Variants in USP34 observed in about 807,000 individuals in gnomAD.
USP34 encodes ubiquitin carboxyl-terminal hydrolase 34.
Under a neutral mutation model 460.3 loss-of-function variants are expected in USP34, and 70 were observed. The observed-to-expected ratio is 0.15, with a 90% CI of 0.13 to 0.19. The LOEUF (loss-of-function observed/expected upper bound fraction) is 0.19, where lower values mean the gene tolerates loss of function less well. Ranked by LOEUF, USP34 falls within the 10% of genes least tolerant of loss-of-function variation. The pLI is 1.00. For missense variants in USP34, 3,985 were observed against 4,236.2 expected (o/e 0.94, Z 1.65); for synonymous variants, 1,647 against 1,405.3 (o/e 1.17, Z -3.85).
chr2:61,464,676 C>T (rs541164605), intron 1 of USP34, among the ~76,000 whole-genome samples: 3 of 144,440 alleles, frequency 2.1e-5, no homozygotes, highest in Non-Finnish European at 4.5e-5. Context: ...CAAGATCGCA[C>T]CACTGCACTC....
At chr2:61,421,356 C>G (rs1694350320) in intron 1 of USP34, among the ~76,000 whole-genome samples, 1 of 152,192 alleles carries the variant, frequency 6.6e-6, no homozygotes, top group Non-Finnish European at 1.5e-5. Context: ...GTCACAGCTT[C>G]CTTCACACGG....
chr2:61,457,054 T>C (rs935944316), intron 1 of USP34, among the ~76,000 whole-genome samples: 7 of 152,054 alleles, frequency 4.6e-5, no homozygotes, highest in Non-Finnish European at 5.9e-5. Context: ...AACAGAAGGA[T>C]GGTTTGAGCC....
intron 33 of USP34, among the ~76,000 whole-genome samples, chr2:61,291,936 G>A (rs1371551147): frequency 6.6e-6 from 1 of 152,062 alleles, no homozygotes; most frequent in African/African-American, 2.4e-5. Context: ...TCGAAAATAG[G>A]CTAAGTGAAA....
chr2:61,358,776 G>C (rs1003198714), intron 10 of USP34, among the ~76,000 whole-genome samples: 1 of 152,048 alleles, frequency 6.6e-6, no homozygotes, highest in Non-Finnish European at 1.5e-5. Context: ...AAGTTGCAAG[G>C]AACAAGATCA....
At chr2:61,251,556 C>T (rs756722113) in intron 48 of USP34, among the ~76,000 whole-genome samples, 9 of 152,204 alleles carry the variant, frequency 5.9e-5, no homozygotes, top group Non-Finnish European at 1.0e-4. Context: ...ATAAGGTCTT[C>T]ATCCTCTGAT....
intron 3 of USP34, among the ~76,000 whole-genome samples, chr2:61,404,443 A>T (rs1693809108): frequency 6.6e-6 from 1 of 152,198 alleles, no homozygotes; most frequent in Non-Finnish European, 1.5e-5. Context: ...AACCGCTTCA[A>T]GTAACAGAAA....
chr2:61,294,831 T>C, intron 32 of USP34, 118 bp downstream of exon 32: 1 of 838,106 alleles, frequency 1.2e-6, no homozygotes, highest in Non-Finnish European at 1.9e-6. Context: ...ATTTTTAAAC[T>C]ATGCTTTATT....
chr2:61,370,477 G>A (rs770302635), intron 9 of USP34, 21 bp downstream of exon 9: 6 of 1,613,252 alleles, frequency 3.7e-6, no homozygotes. Flanking sequence ...GAACAGAGAA[G>A]TTATGTAATC....
chr2:61,322,880 T>TATTTATA (rs1324684716), intron 21 of USP34, among the ~76,000 whole-genome samples: 8 of 152,166 alleles, frequency 5.3e-5, no homozygotes, highest in Non-Finnish European at 1.0e-4. Context: ...CCAGGTTAAT[T>TATTTATA]ATAGTCAACT....
At chr2:61,432,499 C>G (rs1694707023) in intron 1 of USP34, among the ~76,000 whole-genome samples, 1 of 151,990 alleles carries the variant, frequency 6.6e-6, no homozygotes, top group East Asian at 1.9e-4. Context: ...ACAAACAAAG[C>G]TGGACACAGT....
intron 10 of USP34, among the ~76,000 whole-genome samples, chr2:61,364,587 A>G (rs1295367982): frequency 6.6e-6 from 1 of 152,214 alleles, no homozygotes; most frequent in East Asian, 1.9e-4. Context: ...ATTTTACGAC[A>G]CTATAAAATA....
intron 2 of USP34, among the ~76,000 whole-genome samples, chr2:61,416,213 A>C (rs1423883535): frequency 1.3e-5 from 2 of 152,256 alleles, no homozygotes; most frequent in Admixed American, 6.5e-5. Context: ...CCAAAATAAA[A>C]GGCAGAGCCT....
chr2:61,285,949 C>A (rs1241106360), intron 34 of USP34, among the ~76,000 whole-genome samples: 1 of 152,148 alleles, frequency 6.6e-6, no homozygotes, highest in African/African-American at 2.4e-5. Context: ...GCATTCTGTG[C>A]ACATACTTCC....
At chr2:61,312,502 C>A in intron 25 of USP34, among the ~76,000 whole-genome samples, 1 of 146,552 alleles carries the variant, frequency 6.8e-6, no homozygotes. Context: ...ATCCAAGGTA[C>A]CTGAGTTTAA....
intron 75 of USP34, among the ~76,000 whole-genome samples, chr2:61,194,634 G>C (rs1389562058): frequency 6.6e-6 from 1 of 152,190 alleles, no homozygotes; most frequent in Non-Finnish European, 1.5e-5. Flanking sequence ...TAGTAGCTAA[G>C]ACTGCAGGCT....
intron 67 of USP34, among the ~76,000 whole-genome samples, chr2:61,215,259 A>G (rs1166551590): frequency 1.3e-5 from 2 of 152,194 alleles, no homozygotes; most frequent in Non-Finnish European, 2.9e-5. Context: ...AAAATCTTTA[A>G]AAGTCTTCTA....
Position 61,228,872 on chromosome 2 carries a change from C to T in USP34, c.7323G>A (p.Glu2441=). 6.2e-7 allele frequency: 1 copy of T among 1,605,818 alleles called. No homozygotes were observed. ...GVKPHSKHLT[E]YFAFLYEFAK... is the part of the protein sequence containing the mutation. The stretch of plus-strand genomic sequence containing the variant: ...CAAATTCGTAAAGGAAGGCAAAATA[C>T]TCTGTAAGATGTTTACTGTGAGGTT... Residue 2441 remains glutamate, a synonymous_variant, in exon 60 of 80, where the codon GAG becomes GAA. Transcript: ENST00000398571.
chr2:61,209,662 A>G (rs1000743058), intron 69 of USP34, among the ~76,000 whole-genome samples: 25 of 152,226 alleles, frequency 1.6e-4, no homozygotes, highest in African/African-American at 5.8e-4. Flanking sequence ...ATAAATGACT[A>G]TGTTACTGGT....
At chr2:61,242,005 T>C (rs2103859178) in intron 51 of USP34, among the ~76,000 whole-genome samples, 186 bp from the exon 52 acceptor site, 1 of 152,110 alleles carries the variant, frequency 6.6e-6, no homozygotes, top group East Asian at 1.9e-4. Context: ...CCTAATATCT[T>C]TTTTTTAGTT....
Sources: allele counts gnomAD v4.1 joint callset (sites outside exome capture counted in the v4.1 genomes callset), GRCh38; gene constraint gnomAD v4.1.1; transcripts MANE v1.5; gene names NCBI Gene and HGNC (gene_info 2026-07-23, HGNC 2026-07-21).